IL1RAPL1: variants seen among roughly 807,000 people sequenced by gnomAD.
The protein encoded by IL1RAPL1 is interleukin 1 receptor accessory protein like 1, also known as interleukin-1 receptor accessory protein-like 1.
In IL1RAPL1, 3 loss-of-function variants were observed where a neutral mutation model predicts 48.4. That is an observed-to-expected ratio of 0.06 (90% CI 0.03 to 0.16). The LOEUF (loss-of-function observed/expected upper bound fraction) is 0.16. Ranked by LOEUF, IL1RAPL1 falls within the 10% of genes least tolerant of loss-of-function variation. The pLI, the probability that IL1RAPL1 is intolerant of heterozygous loss-of-function variation, is 1.00. For synonymous variants in IL1RAPL1, 185 were observed against 187.7 expected, an observed-to-expected ratio of 0.99 and a Z score of 0.12; for missense variants, 349 against 530.6, an observed-to-expected ratio of 0.66 and a Z score of 3.36.
At chrX:28,785,739 T>C (rs1365714223) in intron 1 of IL1RAPL1, among the ~76,000 whole-genome samples, 1 of 112,262 alleles carries the variant, frequency 8.9e-6, no homozygotes, top group East Asian at 2.8e-4. Context: ...GCTAATATTT[T>C]AATAAACTAC....
intron 1 of IL1RAPL1, among the ~76,000 whole-genome samples, chrX:28,613,448 G>C (rs1197046347): frequency 8.9e-6 from 1 of 112,994 alleles, no homozygotes; most frequent in African/African-American, 3.2e-5. Context: ...CCAAAGGTGA[G>C]GGACTCTGAT....
chrX:28,670,363 T>C (rs150365439), intron 1 of IL1RAPL1, among the ~76,000 whole-genome samples: 1 of 111,975 alleles, frequency 8.9e-6, no homozygotes, highest in African/African-American at 3.2e-5. Context: ...TTAGGGAAAA[T>C]AGAGCTGTTT....
Position 29,615,075 on chromosome X carries a change from AAATT to A in IL1RAPL1, c.704-53351_704-53348del, listed in dbSNP as rs201978395. On this transcript the variant is annotated intron_variant, in intron 5 of 10. Transcript: ENST00000378993. The stretch of plus-strand genomic sequence containing the variant: ...GACATGTACCCAAAGGTGCTCTACT[AAATT>A]AATCACTACCTCCAACAACCTAAAG... Among the ~76,000 whole-genome samples, 69 of 112,472 alleles carry A rather than the reference AAATT, an allele frequency of 6.1e-4. No individual in the cohort carries two copies. The East Asian group carries it at 0.015, about 25-fold the overall frequency.
chrX:28,983,999 C>T (rs1925405166), intron 2 of IL1RAPL1, among the ~76,000 whole-genome samples: 1 of 111,467 alleles, frequency 9.0e-6, no homozygotes, highest in African/African-American at 3.3e-5. Flanking sequence ...AAATATTTTT[C>T]TTTGAATATT....
chrX:29,320,589 A>T (rs1932796980), intron 3 of IL1RAPL1, among the ~76,000 whole-genome samples: 1 of 110,962 alleles, frequency 9.0e-6, no homozygotes, highest in African/African-American at 3.3e-5. Flanking sequence ...AGCCTGGCCA[A>T]CATGGCAAAA....
At chrX:29,028,687 A>G (rs1926548061) in intron 2 of IL1RAPL1, among the ~76,000 whole-genome samples, 1 of 111,221 alleles carries the variant, frequency 9.0e-6, no homozygotes, top group South Asian at 3.8e-4. Flanking sequence ...CACTTAACAC[A>G]ATAACACAAT....
At chrX:29,568,721 C>T (rs1437335265) in intron 5 of IL1RAPL1, among the ~76,000 whole-genome samples, 1 of 111,049 alleles carries the variant, frequency 9.0e-6, no homozygotes, top group Non-Finnish European at 1.9e-5. Context: ...TTAATATTTT[C>T]AATGAGGGTA....
chrX:28,952,063 T>C (rs1171512539), intron 2 of IL1RAPL1, among the ~76,000 whole-genome samples: 1 of 111,062 alleles, frequency 9.0e-6, no homozygotes, highest in Non-Finnish European at 1.9e-5. Flanking sequence ...AGTTATACTA[T>C]AACTACAATA....
At chrX:28,815,819 GTGTA>G (rs1310964103) in intron 2 of IL1RAPL1, among the ~76,000 whole-genome samples, 5 of 70,493 alleles carry the variant, frequency 7.1e-5, no homozygotes, top group African/African-American at 2.6e-4. Flanking sequence ...TTAATCTATT[GTGTA>G]TGTATGTGTG....
At chrX:29,832,646 A>G (rs1354309693) in intron 6 of IL1RAPL1, among the ~76,000 whole-genome samples, 1 of 109,836 alleles carries the variant, frequency 9.1e-6, no homozygotes, top group Non-Finnish European at 1.9e-5. Flanking sequence ...CTCACTTCTC[A>G]ATGTCCACAA....
intron 5 of IL1RAPL1, among the ~76,000 whole-genome samples, chrX:29,462,122 C>T (rs1934810012): frequency 9.0e-6 from 1 of 110,651 alleles, no homozygotes; most frequent in Admixed American, 9.5e-5. Flanking sequence ...ATAAAACTGG[C>T]ACATCATAGA....
intron 1 of IL1RAPL1, among the ~76,000 whole-genome samples, chrX:28,684,158 G>A (rs953687456): frequency 8.0e-5 from 9 of 112,117 alleles, no homozygotes; most frequent in African/African-American, 2.9e-4. Flanking sequence ...TTATTGACAA[G>A]TATTTTCACT....
chrX:28,894,824 A>G (rs1021540862), intron 2 of IL1RAPL1, among the ~76,000 whole-genome samples: 12 of 110,604 alleles, frequency 1.1e-4, no homozygotes, highest in African/African-American at 3.6e-4. Flanking sequence ...TGCCTAGGAA[A>G]GAAAGGAGTT....
chrX:28,800,364 G>A, intron 2 of IL1RAPL1, among the ~76,000 whole-genome samples: 1 of 111,861 alleles, frequency 8.9e-6, no homozygotes, highest in Non-Finnish European at 1.9e-5. Context: ...ATATCTTTTG[G>A]GGGACCACTG....
intron 1 of IL1RAPL1, among the ~76,000 whole-genome samples, chrX:28,657,805 A>G (rs1246943907): frequency 1.8e-5 from 2 of 112,112 alleles, no homozygotes; most frequent in African/African-American, 6.5e-5. Flanking sequence ...CACACAGGTG[A>G]GAGCAGAATG....
At chrX:29,511,903 G>A (rs1381521726) in intron 5 of IL1RAPL1, among the ~76,000 whole-genome samples, 1 of 110,754 alleles carries the variant, frequency 9.0e-6, no homozygotes, top group Admixed American at 9.7e-5. Context: ...ATATTTTAGA[G>A]TCCCTTAGCC....
intron 2 of IL1RAPL1, among the ~76,000 whole-genome samples, chrX:28,876,287 T>C: frequency 9.0e-6 from 1 of 111,268 alleles, no homozygotes; most frequent in Middle Eastern, 4.7e-3. Context: ...TGCTAGAAAA[T>C]CTTGCAATTT....
chrX:29,756,286 G>T (rs1212273218), intron 6 of IL1RAPL1, among the ~76,000 whole-genome samples: 1 of 111,931 alleles, frequency 8.9e-6, no homozygotes, highest in Admixed American at 9.5e-5. Context: ...GGGAAAATTG[G>T]GAAGTATACA....
At chrX:29,491,409 C>G (rs1425429777) in intron 5 of IL1RAPL1, among the ~76,000 whole-genome samples, 1 of 112,588 alleles carries the variant, frequency 8.9e-6, no homozygotes, top group Non-Finnish European at 1.9e-5. Context: ...ACTTCTACTT[C>G]AGTATATGTC....
Sources: gnomAD v4.1 joint callset for allele counts (sites outside exome capture counted in the v4.1 genomes callset) on GRCh38, gnomAD v4.1.1 for gene constraint, MANE v1.5 for transcripts, NCBI Gene and HGNC (gene_info 2026-07-23, HGNC 2026-07-21) for gene names.